Variants in SPOCK1 observed in about 807,000 individuals in gnomAD.
SPOCK1 encodes SPARC (osteonectin), cwcv and kazal like domains proteoglycan 1.
A neutral mutation model predicts 55.3 loss-of-function variants in SPOCK1; 23 were observed. That is an observed-to-expected ratio of 0.42 (90% CI 0.30 to 0.59). The LOEUF (loss-of-function observed/expected upper bound fraction) is 0.59, where lower values mean the gene tolerates loss of function less well. Ranked by LOEUF, SPOCK1 falls within the 20% of genes least tolerant of loss-of-function variation. The pLI is 0.22. For missense variants in SPOCK1, 499 were observed against 552.5 expected (o/e 0.90, Z 0.97); for synonymous variants, 226 against 221.0 (o/e 1.02, Z -0.20).
chr5:137,034,978 C>A (rs904237699), intron 6 of SPOCK1, among the ~76,000 whole-genome samples: 2 of 152,126 alleles, frequency 1.3e-5, no homozygotes, highest in African/African-American at 4.8e-5. Flanking sequence ...TGGGAGGGGG[C>A]ATTGGCTACC....
intron 2 of SPOCK1, among the ~76,000 whole-genome samples, chr5:137,323,410 G>A (rs1758015728): frequency 6.6e-6 from 1 of 152,050 alleles, no homozygotes; most frequent in Non-Finnish European, 1.5e-5. Context: ...GTCAAAAACT[G>A]TCATAAGAGA....
chr5:137,243,249 G>A (rs1561482273), intron 3 of SPOCK1, among the ~76,000 whole-genome samples: 2 of 152,096 alleles, frequency 1.3e-5, no homozygotes, highest in Admixed American at 6.6e-5. Flanking sequence ...GGAAAAGCAC[G>A]CTGAGGCCTT....
At chr5:137,261,893 C>G (rs1276504362) in intron 3 of SPOCK1, among the ~76,000 whole-genome samples, 1 of 152,188 alleles carries the variant, frequency 6.6e-6, no homozygotes, top group Non-Finnish European at 1.5e-5. Context: ...TGAGTGCACC[C>G]TGGCTCCAGC....
At chr5:137,057,762 C>T (rs760357734) in intron 6 of SPOCK1, among the ~76,000 whole-genome samples, 4 of 152,176 alleles carry the variant, frequency 2.6e-5, no homozygotes, top group South Asian at 2.1e-4. Flanking sequence ...CACTTACTTT[C>T]GTCTGGTGAT....
chr5:137,314,145 C>T (rs1360108923), intron 2 of SPOCK1, among the ~76,000 whole-genome samples: 1 of 151,972 alleles, frequency 6.6e-6, no homozygotes, highest in Non-Finnish European at 1.5e-5. Context: ...CCCAGCCCCT[C>T]CCCAGCCTGA....
At chr5:137,060,644 A>C (rs1037796923) in intron 6 of SPOCK1, among the ~76,000 whole-genome samples, 2 of 150,500 alleles carry the variant, frequency 1.3e-5, no homozygotes, top group African/African-American at 4.9e-5. Context: ...AAAAAAAAAA[A>C]CAGTAAGTGC....
intron 3 of SPOCK1, among the ~76,000 whole-genome samples, chr5:137,212,951 CA>C (rs987393521): frequency 2.0e-5 from 3 of 152,156 alleles, no homozygotes; most frequent in African/African-American, 7.2e-5. Context: ...TGCTGCTGAC[CA>C]GGGGGCAGGT....
intron 2 of SPOCK1, among the ~76,000 whole-genome samples, chr5:137,320,848 T>C (rs1335339604): frequency 6.6e-6 from 1 of 152,146 alleles, no homozygotes; most frequent in Non-Finnish European, 1.5e-5. Context: ...CACAAAATTA[T>C]AAGGCTCACA....
At chr5:137,314,118 T>C (rs754743065) in intron 2 of SPOCK1, among the ~76,000 whole-genome samples, 8 of 151,756 alleles carry the variant, frequency 5.3e-5, no homozygotes, top group Non-Finnish European at 1.2e-4. Flanking sequence ...TTTATCCCAG[T>C]TAACCCTCCA....
At chr5:137,325,998 A>T (rs1179395565) in intron 2 of SPOCK1, among the ~76,000 whole-genome samples, 4 of 152,200 alleles carry the variant, frequency 2.6e-5, no homozygotes, top group African/African-American at 9.6e-5. Context: ...ATTCCCACTC[A>T]TCAGCAGCAT....
At chr5:137,366,773 C>A (rs17703634) in intron 2 of SPOCK1, among the ~76,000 whole-genome samples, 10,828 of 152,198 alleles carry the variant, frequency 0.071, 515 homozygotes, top group Admixed American at 0.15. Flanking sequence ...AGTCTCTCAC[C>A]GGCCTTGTGA....
chr5:137,358,974 C>T (rs559465959), intron 2 of SPOCK1, among the ~76,000 whole-genome samples: 1 of 152,296 alleles, frequency 6.6e-6, no homozygotes, highest in Admixed American at 6.5e-5. Flanking sequence ...GAACAGAGCA[C>T]AGCTTCTTAA....
intron 3 of SPOCK1, among the ~76,000 whole-genome samples, chr5:137,223,486 C>T (rs996058426): frequency 1.3e-5 from 2 of 152,104 alleles, no homozygotes; most frequent in African/African-American, 4.8e-5. Context: ...TCTTTCCTCA[C>T]AATTGACTAC....
At chr5:137,341,438 C>T (rs1351789708) in intron 2 of SPOCK1, among the ~76,000 whole-genome samples, 2 of 152,208 alleles carry the variant, frequency 1.3e-5, no homozygotes, top group East Asian at 1.9e-4. Context: ...ATGGCTTAGG[C>T]CTCACGGATG....
intron 4 of SPOCK1, among the ~76,000 whole-genome samples, chr5:137,118,410 T>A (rs1049301101): frequency 6.6e-6 from 1 of 152,130 alleles, no homozygotes; most frequent in Admixed American, 6.6e-5. Flanking sequence ...AACCTTCAAC[T>A]CCGCACGTCA....
intron 2 of SPOCK1, among the ~76,000 whole-genome samples, chr5:137,300,530 T>C (rs1561497447): frequency 6.6e-6 from 1 of 152,208 alleles, no homozygotes; most frequent in Admixed American, 6.5e-5. Flanking sequence ...AGGCAGTTAA[T>C]GTGGCTAGAC....
At chr5:137,204,632 A>ACCCCTAGGGCAAGTTG (rs6149260) in intron 3 of SPOCK1, among the ~76,000 whole-genome samples, 70,144 of 151,102 alleles carry the variant, frequency 0.46, 18,016 homozygotes, top group African/African-American at 0.7. Flanking sequence ...TCTAGCACTT[A>ACCCCTAGGGCAAGTTG]CCCCTAGGGC....
chr5:137,165,547 C>T (rs1434742384), intron 3 of SPOCK1, among the ~76,000 whole-genome samples: 1 of 152,114 alleles, frequency 6.6e-6, no homozygotes, highest in African/African-American at 2.4e-5. Context: ...TCCAGGAAAA[C>T]ACGACCTTAC....
At chr5:137,095,967 C>T (rs780549476) in intron 5 of SPOCK1, among the ~76,000 whole-genome samples, 1 of 119,884 alleles carries the variant, frequency 8.3e-6, no homozygotes, top group Non-Finnish European at 1.6e-5. Context: ...ACAGAAGAAT[C>T]TGGGTAGATG....
Sources: gnomAD v4.1 joint callset for allele counts (sites outside exome capture counted in the v4.1 genomes callset) on GRCh38, gnomAD v4.1.1 for gene constraint, MANE v1.5 for transcripts, NCBI Gene and HGNC (gene_info 2026-07-23, HGNC 2026-07-21) for gene names.